SNX33: variants seen among roughly 807,000 people sequenced by gnomAD.
SNX33 encodes the protein sorting nexin 33, also known as sorting nexin-33.
Under a neutral mutation model 38.8 loss-of-function variants are expected in SNX33, and 19 were observed. That is an observed-to-expected ratio of 0.49 (90% confidence interval 0.34 to 0.72). SNX33 has a LOEUF of 0.72. Ranked by LOEUF, SNX33 falls within the 30% of genes least tolerant of loss-of-function variation. The probability of loss-of-function intolerance (pLI) is 0.01; values close to 1 mark genes in which losing one functional copy is unlikely to be tolerated. For synonymous variants in SNX33, 246 were observed against 289.7 expected, an observed-to-expected ratio of 0.85 and a Z score of 1.53; for missense variants, 641 against 776.4, an observed-to-expected ratio of 0.83 and a Z score of 2.07.
intron 1 of SNX33, among the ~76,000 whole-genome samples, chr15:75,654,962 G>T (rs1029709280): frequency 6.6e-6 from 1 of 152,214 alleles, no homozygotes; most frequent in Non-Finnish European, 1.5e-5. Context: ...TTCTCGGCAG[G>T]TGGAATCCAG....
chr15:75,651,451 G>C (rs1277663155), intron 1 of SNX33, among the ~76,000 whole-genome samples: 2 of 152,034 alleles, frequency 1.3e-5, no homozygotes, highest in East Asian at 3.9e-4. Flanking sequence ...CTGTGGGGGA[G>C]GGACAGGATG....
At position 75,650,692 on chromosome 15, in the gene SNX33, T is replaced by C; in HGVS notation, c.1471+119T>C. ...TGTCTTTATTTCTCTGTCTCAATCA[T>C]TCATTTAACAAATGTGTTGGGCTGG... On this transcript the variant is annotated intron_variant, in intron 1 of 1. Transcript: ENST00000308527. This position sits in a 1 kb window ranked among gnomAD's most constrained non-coding sequence, Gnocchi z 6.1. 1 of 1,336,830 alleles carries C rather than the reference T, an allele frequency of 7.5e-7. No individual in the cohort carries two copies. The highest frequency in any genetic ancestry group is 1.6e-5 in the South Asian group (1 of 62,698). The allele number at this position is 1,336,830 out of a possible 1,614,324, so 82.8% of individuals were successfully genotyped here.
rs1375025433 is a variant in SNX33 at position 75,657,061 on chromosome 15, G to A, written c.1571G>A (p.Gly524Asp). The change falls in exon 2 of 2, where the codon GGT becomes GAT. Residue 524 changes from glycine (G) to aspartate (D), a missense_variant. Transcript: ENST00000308527. The surrounding 1 kb of genome is among the most constrained non-coding windows in gnomAD (Gnocchi z 5.5). ...DGIRRRCRVV[G>D]FALQAEMNHF... ...ATTCGCAGGCGCTGCCGCGTGGTGG[G>A]TTTCGCCCTGCAGGCCGAGATGAAC... 6.2e-7 allele frequency: 1 copy of A among 1,614,064 alleles called. No homozygotes were observed. Among genetic ancestry groups the A allele is most frequent in the Non-Finnish European group, 8.5e-7 (1 of 1,180,028 alleles).
In SNX33 at chr15:75,649,016, C is replaced by A; in HGVS notation, c.-87C>A. On this transcript the variant is annotated 5_prime_UTR_variant, in exon 1 of 2. Transcript: ENST00000308527. The surrounding 1 kb of genome is among the most constrained non-coding windows in gnomAD (Gnocchi z 6.6). The stretch of plus-strand genomic sequence containing the variant: ...GAACTGTGTAAGCGCCATTCAGCTG[C>A]GAGTGCATTCTTGGACTGCCTTGTG... The A allele has an allele frequency of 1.4e-6, 2 of 1,476,440 alleles. No individual in the cohort carries two copies. The highest frequency in any genetic ancestry group is 1.8e-6 in the Non-Finnish European group (2 of 1,101,034). The allele number at this position is 1,476,440 out of a possible 1,614,324, so 91.5% of individuals were successfully genotyped here. A position where few individuals can be genotyped will look rare whatever the true frequency, so the allele number is the denominator to read the frequency against.
Position 75,658,391 on chromosome 15 carries a change from G to C in SNX33, c.*1176G>C, listed in dbSNP as rs1483809344. 1 of 152,632 alleles carries C rather than the reference G, an allele frequency of 6.6e-6. No homozygotes were observed. The highest frequency in any genetic ancestry group is 2.4e-5 in the African/African-American group (1 of 41,408). The allele number at this position is 152,632 out of a possible 1,614,324, so 9.5% of individuals were successfully genotyped here. ...GGGATTCCATGCCCACCTGCCCTCT[G>C]TCTGCCTCGCTGGAATGTGGGCCCC... On this transcript the variant is annotated 3_prime_UTR_variant, in exon 2 of 2. Coordinates refer to ENST00000308527, the MANE Select transcript of SNX33 (RefSeq NM_153271.2). The surrounding 1 kb of genome is among the most constrained non-coding windows in gnomAD (Gnocchi z 4.1).
chr15:75,649,712 A>T lies in SNX33; in HGVS notation c.610A>T (p.Met204Leu), dbSNP rs368502863. The T allele has an allele frequency of 1.4e-5, 22 of 1,548,066 alleles. No homozygotes were observed. The highest frequency in any genetic ancestry group is 1.9e-5 in the Non-Finnish European group (22 of 1,143,896). ...VEAFILGDVP[M>L]MAKIAETYSI... is the part of the protein sequence containing the mutation. The stretch of plus-strand genomic sequence containing the variant: ...GGCCTTCATCCTGGGTGATGTGCCC[A>T]TGATGGCCAAGATCGCTGAGACATA... Residue 204 changes from methionine (M) to leucine (L), a missense_variant, in exon 1 of 2, where the codon ATG becomes TTG. Coordinates refer to ENST00000308527, the MANE Select transcript of SNX33 (RefSeq NM_153271.2). This position sits in a 1 kb window ranked among gnomAD's most constrained non-coding sequence, Gnocchi z 6.6.
intron 1 of SNX33, among the ~76,000 whole-genome samples, chr15:75,653,407 C>T (rs1595999374): frequency 6.6e-6 from 1 of 152,192 alleles, no homozygotes. Context: ...CGTATGGACC[C>T]CCAACTTGAC....
At chr15:75,651,777 G>A (rs890036632) in intron 1 of SNX33, among the ~76,000 whole-genome samples, 2 of 152,234 alleles carry the variant, frequency 1.3e-5, no homozygotes, top group African/African-American at 4.8e-5. Context: ...TGGCCCTTGG[G>A]CCCTGAGGTT....
Position 75,661,474 on chromosome 15 carries a change from C to T in SNX33, c.*4259C>T, listed in dbSNP as rs537195775. Reference sequence around the variant, plus strand: ...GGGGAAAAATCAAACCTCACCACCCCCCGACATAGCTCAGAAGGGCTGATT... The same window carrying T: ...GGGGAAAAATCAAACCTCACCACCCTCCGACATAGCTCAGAAGGGCTGATT... On this transcript the variant is annotated 3_prime_UTR_variant, in exon 2 of 2. Transcript: ENST00000308527. This position sits in a 1 kb window ranked among gnomAD's most constrained non-coding sequence, Gnocchi z 4.5. The T allele has an allele frequency of 6.6e-6, 1 of 152,198 alleles. No individual in the cohort carries two copies. Among genetic ancestry groups the T allele is most frequent in the African/African-American group, 2.4e-5 (1 of 41,430 alleles). The allele number at this position is 152,198 out of a possible 1,614,324, so 9.4% of individuals were successfully genotyped here.
In SNX33 at chr15:75,657,122, C is replaced by T; in HGVS notation, c.1632C>T (p.His544=). Residue 544 remains histidine (H), a synonymous_variant, in exon 2 of 2, where the codon CAC becomes CAT. Coordinates refer to ENST00000308527, the MANE Select transcript of SNX33 (RefSeq NM_153271.2). This position sits in a 1 kb window ranked among gnomAD's most constrained non-coding sequence, Gnocchi z 5.5. ...AGCGCCGTGAGCTCGACTTCAAGCA[C>T]ATGATGCAGAACTACTTGCGCCAGC... The part of the protein sequence containing the change: ...FHQRRELDFK[H]MMQNYLRQQI... The T allele has an allele frequency of 1.2e-6, 2 of 1,614,204 alleles. No individual in the cohort carries two copies. Among genetic ancestry groups the T allele is most frequent in the South Asian group, 2.2e-5 (2 of 91,092 alleles).
At chr15:75,652,224 C>T (rs1490983620) in intron 1 of SNX33, among the ~76,000 whole-genome samples, 1 of 152,140 alleles carries the variant, frequency 6.6e-6, no homozygotes, top group South Asian at 2.1e-4. Context: ...GGAAGGGACT[C>T]CTGGGGAGGG....
rs1003303485 is a variant in SNX33 at position 75,657,488 on chromosome 15, C to A, written c.*273C>A. On this transcript the variant is annotated 3_prime_UTR_variant, in exon 2 of 2. Coordinates refer to ENST00000308527, the MANE Select transcript of SNX33 (RefSeq NM_153271.2). The surrounding 1 kb of genome is among the most constrained non-coding windows in gnomAD (Gnocchi z 5.5). ...GGGCTGCCGGTCAGTCAGTGAAGGT[C>A]AGGCCAGGGTCTCAGCCTCCCCTAG... 6.5e-5 allele frequency: 36 copies of A among 551,610 alleles called. No individual in the cohort carries two copies. Among genetic ancestry groups the A allele is most frequent in the Middle Eastern group, 4.9e-4 (1 of 2,022 alleles). The allele number at this position is 551,610 out of a possible 1,614,324, so 34.2% of individuals were successfully genotyped here. A position where few individuals can be genotyped will look rare whatever the true frequency, so the allele number is the denominator to read the frequency against.
chr15:75,657,157 T>C lies in SNX33; in HGVS notation c.1667T>C (p.Phe556Ser). Residue 556 changes from phenylalanine to serine, a missense_variant, in exon 2 of 2, where the codon TTC becomes TCC. By Grantham distance (155) the Phe-to-Ser change is radical. Coordinates refer to ENST00000308527, the MANE Select transcript of SNX33 (RefSeq NM_153271.2). This position sits in a 1 kb window ranked among gnomAD's most constrained non-coding sequence, Gnocchi z 5.5. ...MQNYLRQQIL[F>S]YQRVGQQLEK... is the part of the protein sequence containing the mutation. Reference sequence around the variant, plus strand: ...AACTACTTGCGCCAGCAGATCCTCTTCTACCAGCGGGTGGGCCAGCAGCTG... The same window carrying C: ...AACTACTTGCGCCAGCAGATCCTCTCCTACCAGCGGGTGGGCCAGCAGCTG... 1.2e-6 allele frequency: 2 copies of C among 1,614,154 alleles called. No homozygotes were observed. Among genetic ancestry groups the C allele is most frequent in the Non-Finnish European group, 1.7e-6 (2 of 1,180,004 alleles).
In SNX33 at chr15:75,648,323, G is replaced by A. The variant is rs79091092; in HGVS notation, c.-780G>A. 5.5e-3 allele frequency: 5,442 copies of A among 985,358 alleles called. 247 individuals carry two copies. The African/African-American group carries it at 0.09, about 16-fold the overall frequency. The allele number at this position is 985,358 out of a possible 1,614,324, so 61.0% of individuals were successfully genotyped here. A position where few individuals can be genotyped will look rare whatever the true frequency, so the allele number is the denominator to read the frequency against. On this transcript the variant is annotated 5_prime_UTR_variant, in exon 1 of 2. Transcript: ENST00000308527. The surrounding 1 kb of genome is among the most constrained non-coding windows in gnomAD (Gnocchi z 4.4). ...GCGCCCCCTCCTTCCTCCGGGGTTG[G>A]GGCTGGCCACTTCTGGGGCGGGGAG...
rs565137347 is a variant in SNX33 at position 75,648,392 on chromosome 15, C to T, written c.-711C>T. ...GGGGCTCCGGCTGCGCAGCCGGGGT[C>T]GAAGAGTTGGCGGCCTGTTGTGTAA... On this transcript the variant is annotated 5_prime_UTR_variant, in exon 1 of 2. Transcript: ENST00000308527. The surrounding 1 kb of genome is among the most constrained non-coding windows in gnomAD (Gnocchi z 4.4). 1.0e-6 allele frequency: 1 copy of T among 985,308 alleles called. No individual in the cohort carries two copies. 61.0% of individuals were successfully genotyped at this position (985,308 alleles called of 1,614,324 possible). A position where few individuals can be genotyped will look rare whatever the true frequency, so the allele number is the denominator to read the frequency against.
intron 1 of SNX33, 31 bp from the exon 2 acceptor site, chr15:75,656,931 C>A: frequency 1.2e-6 from 2 of 1,600,526 alleles, no homozygotes; most frequent in Non-Finnish European, 1.7e-6. Flanking sequence ...TCAGAGCCCT[C>A]ACACGCTGTC....
intron 1 of SNX33, among the ~76,000 whole-genome samples, chr15:75,651,468 T>C (rs1341044689): frequency 6.6e-6 from 1 of 150,438 alleles, no homozygotes; most frequent in Non-Finnish European, 1.5e-5. Flanking sequence ...GATGGGCCTC[T>C]GCCTGTTACT....
chr15:75,648,844 A>G lies in SNX33; in HGVS notation c.-259A>G. The G allele has an allele frequency of 2.6e-6, 1 of 382,254 alleles. No homozygotes were observed. Among genetic ancestry groups the G allele is most frequent in the Non-Finnish European group, 4.6e-6 (1 of 218,894 alleles). 23.7% of individuals were successfully genotyped at this position (382,254 alleles called of 1,614,324 possible). On this transcript the variant is annotated 5_prime_UTR_variant, in exon 1 of 2. Coordinates refer to ENST00000308527, the MANE Select transcript of SNX33 (RefSeq NM_153271.2). The surrounding 1 kb of genome is among the most constrained non-coding windows in gnomAD (Gnocchi z 4.4). ...CCCCAGAGGCTGCTAAGGGAGGAGG[A>G]GACTGTGGACATGAGCCCTCCCTGC...
Position 75,649,439 on chromosome 15 carries a change from G to A in SNX33, c.337G>A (p.Asp113Asn). Residue 113 changes from aspartate to asparagine, a missense_variant, in exon 1 of 2, where the codon GAT becomes AAT. Asp to Asn is a conservative substitution (Grantham distance 23). Coordinates refer to ENST00000308527, the MANE Select transcript of SNX33 (RefSeq NM_153271.2). The surrounding 1 kb of genome is among the most constrained non-coding windows in gnomAD (Gnocchi z 6.6). ...LSNQGSFEED[D>N]DDDWDDWDDG... is the part of the protein sequence containing the mutation. ...AAACCAGGGTAGCTTTGAGGAGGAT[G>A]ATGATGATGACTGGGATGACTGGGA... 6.5e-7 allele frequency: 1 copy of A among 1,537,700 alleles called. No individual in the cohort carries two copies. The highest frequency in any genetic ancestry group is 8.8e-7 in the Non-Finnish European group (1 of 1,139,750).
Sources: allele counts gnomAD v4.1 joint callset (sites outside exome capture counted in the v4.1 genomes callset), GRCh38; gene constraint gnomAD v4.1.1; non-coding constraint Gnocchi (gnomAD v3.1); transcripts MANE v1.5; gene names NCBI Gene and HGNC (gene_info 2026-07-23, HGNC 2026-07-21).